Variants in PACRG observed in about 807,000 individuals in gnomAD.
PACRG encodes parkin coregulated gene protein.
In PACRG, 29 loss-of-function variants were observed where a neutral mutation model predicts 29.7. That is an observed-to-expected ratio of 0.98 (90% CI 0.73 to 1.33). PACRG has a LOEUF of 1.33. Among genes scored for constraint, PACRG ranks in the 40% most tolerant of loss-of-function variants. The pLI is 0.00. For synonymous variants in PACRG, 116 were observed against 118.7 expected (o/e 0.98, Z 0.15); for missense variants, 279 against 316.2 (o/e 0.88, Z 0.89).
At chr6:162,998,797 T>C (rs762980693) in intron 2 of PACRG, among the ~76,000 whole-genome samples, 12 of 152,358 alleles carry the variant, frequency 7.9e-5, no homozygotes, top group Non-Finnish European at 1.3e-4. Flanking sequence ...TGTTATATGA[T>C]ACCAAATGTC....
chr6:163,107,109 A>C (rs951082760), intron 4 of PACRG, among the ~76,000 whole-genome samples: 4 of 152,192 alleles, frequency 2.6e-5, no homozygotes, highest in Non-Finnish European at 5.9e-5. Flanking sequence ...AGAGAAATAG[A>C]TAAAGGAAAA....
chr6:163,127,637 C>T (rs543617872), intron 4 of PACRG, among the ~76,000 whole-genome samples: 1 of 152,298 alleles, frequency 6.6e-6, no homozygotes, highest in South Asian at 2.1e-4. Context: ...AGTCATGACA[C>T]TGAAGTTGCA....
At chr6:163,106,445 T>C (rs1449647296) in intron 4 of PACRG, among the ~76,000 whole-genome samples, 1 of 152,206 alleles carries the variant, frequency 6.6e-6, no homozygotes, top group East Asian at 1.9e-4. Flanking sequence ...AAAGTAGTGT[T>C]CAATACTAAT....
At chr6:162,862,139 G>C (rs989847606) in intron 2 of PACRG, among the ~76,000 whole-genome samples, 4 of 152,218 alleles carry the variant, frequency 2.6e-5, no homozygotes, top group African/African-American at 9.6e-5. Flanking sequence ...TCAGAGGACT[G>C]AGGAGGTGAC....
At chr6:162,735,081 C>G (rs1780063397) in intron 1 of PACRG, among the ~76,000 whole-genome samples, 1 of 152,116 alleles carries the variant, frequency 6.6e-6, no homozygotes, top group Non-Finnish European at 1.5e-5. Flanking sequence ...TAAGTAAATC[C>G]TTCATGTTTA....
intron 4 of PACRG, chr6:163,179,137 G>A (rs144814302): frequency 1.3e-5 from 6 of 449,604 alleles, no homozygotes; most frequent in South Asian, 4.7e-5. Context: ...GGCATGGACC[G>A]TGGTTTTATA....
At chr6:162,994,268 C>T (rs2128188572) in intron 2 of PACRG, among the ~76,000 whole-genome samples, 1 of 147,176 alleles carries the variant, frequency 6.8e-6, no homozygotes, top group East Asian at 2.0e-4. Context: ...CTCTGTATTT[C>T]CTGAATCTGA....
chr6:163,269,867 G>GAGAAAGAAAGAGAAAGAAAGAA (rs1562349501), intron 4 of PACRG, among the ~76,000 whole-genome samples: 940 of 56,654 alleles, frequency 0.017, 202 homozygotes, highest in Middle Eastern at 0.1. Flanking sequence ...GAGAAAGAAA[G>GAGAAAGAAAGAGAAAGAAAGAA]AGAAAGAAAG....
chr6:162,842,363 T>C (rs1364707605), intron 2 of PACRG, among the ~76,000 whole-genome samples: 1 of 147,264 alleles, frequency 6.8e-6, no homozygotes, highest in Non-Finnish European at 1.5e-5. Context: ...GCCTTCTTTG[T>C]CTCTTTTGAT....
chr6:162,842,437 T>A (rs9365496), intron 2 of PACRG, among the ~76,000 whole-genome samples: 9,650 of 151,888 alleles, frequency 0.064, 427 homozygotes, highest in East Asian at 0.25. Context: ...TTTTTTGTTT[T>A]CCATTTGCTT....
At chr6:163,108,552 C>T (rs1203711336) in intron 4 of PACRG, among the ~76,000 whole-genome samples, 1 of 140,748 alleles carries the variant, frequency 7.1e-6, no homozygotes, top group Non-Finnish European at 1.6e-5. Context: ...GCCACCACAC[C>T]CAGCTAATTT....
intron 2 of PACRG, among the ~76,000 whole-genome samples, chr6:162,834,800 T>C (rs1327274259): frequency 1.3e-5 from 2 of 151,988 alleles, no homozygotes; most frequent in Non-Finnish European, 2.9e-5. Context: ...GAAGGTGCAA[T>C]TTCATGTTAA....
intron 4 of PACRG, among the ~76,000 whole-genome samples, chr6:163,126,426 A>G (rs1029015807): frequency 4.6e-5 from 7 of 152,160 alleles, no homozygotes; most frequent in Admixed American, 6.5e-5. Flanking sequence ...ACTAATTTCT[A>G]TGGCATTTTA....
intron 2 of PACRG, among the ~76,000 whole-genome samples, chr6:162,880,618 A>G (rs1406587592): frequency 6.6e-6 from 1 of 152,262 alleles, no homozygotes; most frequent in Non-Finnish European, 1.5e-5. Context: ...AGTTATATAT[A>G]GTAAGATCAG....
intron 2 of PACRG, among the ~76,000 whole-genome samples, chr6:162,887,064 C>T (rs1794398776): frequency 6.6e-6 from 1 of 152,130 alleles, no homozygotes; most frequent in African/African-American, 2.4e-5. Context: ...CATGCTACCA[C>T]ACCTGGCTAA....
intron 4 of PACRG, among the ~76,000 whole-genome samples, chr6:163,201,825 C>A (rs1022612): frequency 0.36 from 54,353 of 152,054 alleles, 10,350 homozygotes; most frequent in African/African-American, 0.49. Flanking sequence ...GGGCCATTGA[C>A]ACAGTCAGAT....
intron 2 of PACRG, among the ~76,000 whole-genome samples, chr6:163,023,387 G>T (rs1349468007): frequency 6.6e-6 from 1 of 152,178 alleles, no homozygotes; most frequent in Admixed American, 6.5e-5. Context: ...TATTTACGTT[G>T]CTGCAAAGGA....
At chr6:163,165,708 T>A (rs7767610) in intron 4 of PACRG, 90,404 of 214,532 alleles carry the variant, frequency 0.42, 21,013 homozygotes, top group African/African-American at 0.63. Flanking sequence ...AGCCTTCAAG[T>A]CGGTTCACCC....
chr6:163,017,483 A>T (rs1439683033), intron 2 of PACRG, among the ~76,000 whole-genome samples: 2 of 152,170 alleles, frequency 1.3e-5, no homozygotes, highest in Non-Finnish European at 2.9e-5. Context: ...AGTTGTTATT[A>T]ACAGGAGCTT....
Sources: allele counts gnomAD v4.1 joint callset (sites outside exome capture counted in the v4.1 genomes callset), GRCh38; gene constraint gnomAD v4.1.1; transcripts MANE v1.5; gene names NCBI Gene and HGNC (gene_info 2026-07-23, HGNC 2026-07-21).